Variants in TNKS2 observed in about 807,000 individuals in gnomAD.
The protein encoded by TNKS2 is poly [ADP-ribose] polymerase tankyrase-2.
Under a neutral mutation model 137.6 loss-of-function variants are expected in TNKS2, and 72 were observed. That is an observed-to-expected ratio of 0.52 (90% CI 0.43 to 0.64). The LOEUF is 0.64. TNKS2 is among the 30% of genes least tolerant of loss of function. The pLI, the probability that TNKS2 is intolerant of heterozygous loss-of-function variation, is 0.00. For synonymous variants in TNKS2, 516 were observed against 512.1 expected (o/e 1.01, Z -0.10); for missense variants, 1,049 against 1,410.2 (o/e 0.74, Z 4.10).
intron 13 of TNKS2, among the ~76,000 whole-genome samples, chr10:91,837,684 A>G (rs531945534): frequency 6.6e-6 from 1 of 152,270 alleles, no homozygotes; most frequent in East Asian, 1.9e-4. Flanking sequence ...ACATGGCGAA[A>G]CCCCGTCTCT....
Position 91,848,614 on chromosome 10 carries a change from T to C in TNKS2, c.2590T>C (p.Ser864Pro), listed in dbSNP as rs751880344. ...TAGTTCAAGTGGAACAGAGGGTGCT[T>C]CCAGTTTGGAGAAAAAGGAGGGTGA... is the stretch of plus-strand genomic sequence containing the variant. ...VVSSSGTEGASSLEKKEVPGV... is the reference protein window; with the variant it reads ...VVSSSGTEGAPSLEKKEVPGV... The change falls in exon 19 of 27, where the codon TCC (serine) becomes CCC (proline). Residue 864 changes from serine (S) to proline (P), a missense_variant. Ser to Pro is a moderately conservative substitution (Grantham distance 74). Coordinates refer to ENST00000371627, the MANE Select transcript of TNKS2 (RefSeq NM_025235.4). The C allele has an allele frequency of 6.2e-7, 1 of 1,614,138 alleles. No individual in the cohort carries two copies. The highest frequency in any genetic ancestry group is 1.1e-5 in the South Asian group (1 of 91,076).
At chr10:91,804,962 C>T (rs1844278499) in intron 1 of TNKS2, among the ~76,000 whole-genome samples, 1 of 152,138 alleles carries the variant, frequency 6.6e-6, no homozygotes, top group Non-Finnish European at 1.5e-5. Context: ...CAGGGTTTCA[C>T]CATGTTGGCT....
Position 91,846,164 on chromosome 10 carries a change from A to C in TNKS2, c.2358+224A>C, listed in dbSNP as rs182609928. Among the ~76,000 whole-genome samples the C allele has an allele frequency of 1.1e-4, 16 of 152,350 alleles. No homozygotes were observed. The East Asian group carries it at 2.9e-3, about 28-fold the overall frequency. The stretch of plus-strand genomic sequence containing the variant: ...ATCAATCAGTTATTATATACTGAGT[A>C]TTTTGGAAATAGGAAAAAGAAGTAC... On this transcript the variant is annotated intron_variant, in intron 18 of 26. Transcript: ENST00000371627.
At chr10:91,833,244 G>A (rs1841878800) in intron 11 of TNKS2, among the ~76,000 whole-genome samples, 1 of 152,160 alleles carries the variant, frequency 6.6e-6, no homozygotes, top group African/African-American at 2.4e-5. Flanking sequence ...TGACATAAAA[G>A]TGCGTTCTAG....
chr10:91,864,692 C>T lies in TNKS2; in HGVS notation c.*1693C>T, dbSNP rs950516481. The T allele has an allele frequency of 6.6e-6, 1 of 152,520 alleles. No individual in the cohort carries two copies. The highest frequency in any genetic ancestry group is 1.5e-5 in the Non-Finnish European group (1 of 68,020). 9.4% of individuals were successfully genotyped at this position (152,520 alleles called of 1,614,324 possible). Reference sequence around the variant, plus strand: ...TCCTGATCTTGAAGTGCTTTTTATACAGCTCTCTAATAATTACAAATATCC... The same window carrying T: ...TCCTGATCTTGAAGTGCTTTTTATATAGCTCTCTAATAATTACAAATATCC... On this transcript the variant is annotated 3_prime_UTR_variant, in exon 27 of 27. Transcript: ENST00000371627.
rs750853044 is a variant in TNKS2 at position 91,817,189 on chromosome 10, A to G, written c.480A>G (p.Ala160=). Reference sequence around the variant, plus strand: ...TCCGAAATACAGATGGAAGGACAGCATTGGATTTAGCAGATCCATCTGCCA... The same window carrying G: ...TCCGAAATACAGATGGAAGGACAGCGTTGGATTTAGCAGATCCATCTGCCA... ...PTIRNTDGRT[A]LDLADPSAKA... Residue 160 remains alanine, a synonymous_variant, in exon 3 of 27, where the codon GCA becomes GCG. Transcript: ENST00000371627. 4 of 1,613,810 alleles carry G rather than the reference A, an allele frequency of 2.5e-6. No homozygotes were observed. The South Asian group carries it at 3.3e-5, about 13-fold the overall frequency.
chr10:91,816,477 C>G (rs1030947571), intron 2 of TNKS2, among the ~76,000 whole-genome samples: 4 of 152,150 alleles, frequency 2.6e-5, no homozygotes, highest in Non-Finnish European at 4.4e-5. Flanking sequence ...TGTACCTACT[C>G]CACTCCTTAG....
chr10:91,827,271 G>T, intron 8 of TNKS2, 68 bp downstream of exon 8: 1 of 1,243,908 alleles, frequency 8.0e-7, no homozygotes, highest in East Asian at 2.8e-5. Context: ...TTTCTTTCCT[G>T]TTTGTTTTTA....
Position 91,798,771 on chromosome 10 carries a change from G to A in TNKS2, c.81G>A (p.Glu27=). ...AGGCCGTGGAGCCGGCCGCCCGAGA[G>A]CTGTTCGAGGCGTGCCGCAACGGGG... ...AAEAVEPAAR[E]LFEACRNGDV... The change falls in exon 1 of 27, where the codon GAG becomes GAA. Residue 27 remains glutamate, a synonymous_variant. Coordinates refer to ENST00000371627, the MANE Select transcript of TNKS2 (RefSeq NM_025235.4). The A allele has an allele frequency of 7.9e-7, 1 of 1,270,022 alleles. No individual in the cohort carries two copies. Among genetic ancestry groups the A allele is most frequent in the Non-Finnish European group, 1.0e-6 (1 of 1,000,574 alleles). The allele number at this position is 1,270,022 out of a possible 1,614,324, so 78.7% of individuals were successfully genotyped here.
At position 91,859,516 on chromosome 10, in the gene TNKS2, A is replaced by G. The variant is rs1423180929; in HGVS notation, c.3149A>G (p.Tyr1050Cys). ...AAAGGCTTTGATGAAAGGCATGCGTACATAGGTGGTATGTTTGGAGCTGGC... is the reference window on the plus strand; with the variant it reads ...AAAGGCTTTGATGAAAGGCATGCGTGCATAGGTGGTATGTTTGGAGCTGGC... The part of the protein sequence containing the change: ...IHKGFDERHA[Y>C]IGGMFGAGIY... The change falls in exon 25 of 27, where the codon TAC becomes TGC. Residue 1050 changes from tyrosine to cysteine, a missense_variant. Physicochemically the swap from Tyr to Cys is radical, Grantham distance 194. Transcript: ENST00000371627. 1 of 1,613,906 alleles carries G rather than the reference A, an allele frequency of 6.2e-7. No individual in the cohort carries two copies. The highest frequency in any genetic ancestry group is 8.5e-7 in the Non-Finnish European group (1 of 1,179,952).
intron 7 of TNKS2, among the ~76,000 whole-genome samples, chr10:91,824,406 C>T (rs1211711528): frequency 6.6e-6 from 1 of 152,200 alleles, no homozygotes; most frequent in Non-Finnish European, 1.5e-5. Context: ...CTGGCTCTAA[C>T]AGGCACAAGA....
chr10:91,864,816 A>C lies in TNKS2; in HGVS notation c.*1817A>C, dbSNP rs1842936566. ...GGTTTTATAATTAGAAGATAATGAGAGAATTAATGGGGTTTATATTTACAT... is the reference window on the plus strand; with the variant it reads ...GGTTTTATAATTAGAAGATAATGAGCGAATTAATGGGGTTTATATTTACAT... On this transcript the variant is annotated 3_prime_UTR_variant, in exon 27 of 27. Coordinates refer to ENST00000371627, the MANE Select transcript of TNKS2 (RefSeq NM_025235.4). 2 of 152,608 alleles carry C rather than the reference A, an allele frequency of 1.3e-5. No individual in the cohort carries two copies. Among genetic ancestry groups the C allele is most frequent in the Non-Finnish European group, 2.9e-5 (2 of 68,028 alleles). 9.5% of individuals were successfully genotyped at this position (152,608 alleles called of 1,614,324 possible). A position where few individuals can be genotyped will look rare whatever the true frequency, so the allele number is the denominator to read the frequency against.
At chr10:91,831,846 T>C (rs1210415878) in intron 11 of TNKS2, among the ~76,000 whole-genome samples, 2 of 152,190 alleles carry the variant, frequency 1.3e-5, no homozygotes, top group Non-Finnish European at 2.9e-5. Context: ...TTTTACAGTT[T>C]TTAGCCACAG....
At position 91,857,439 on chromosome 10, in the gene TNKS2, T is replaced by C. The variant is rs1469923692; in HGVS notation, c.3003T>C (p.Cys1001=). 2 of 1,605,902 alleles carry C rather than the reference T, an allele frequency of 1.2e-6. No individual in the cohort carries two copies. The highest frequency in any genetic ancestry group is 3.4e-5 in the Admixed American group (2 of 59,102). ...ATTTTTTATAGATTCAGAAGGTTTG[T>C]AACAAGAAACTATGGGAAAGATACA... is the stretch of plus-strand genomic sequence containing the variant. ...RYNILKIQKV[C]NKKLWERYTH... is the part of the protein sequence containing the mutation. Residue 1001 remains cysteine, a synonymous_variant, in exon 24 of 27, where the codon TGT becomes TGC. Coordinates refer to ENST00000371627, the MANE Select transcript of TNKS2 (RefSeq NM_025235.4).
At chr10:91,848,765 A>G in intron 19 of TNKS2, 130 bp downstream of exon 19, 1 of 1,083,718 alleles carries the variant, frequency 9.2e-7, no homozygotes, top group Non-Finnish European at 1.3e-6. Context: ...ATAGCCTTAA[A>G]AAGGTTTAAC....
Position 91,863,274 on chromosome 10 carries a change from C to T in TNKS2, c.*275C>T, listed in dbSNP as rs184788145. The T allele has an allele frequency of 1.3e-3, 412 of 310,656 alleles. 2 individuals carry two copies. The highest frequency in any genetic ancestry group is 8.3e-3 in the African/African-American group (387 of 46,484). The allele number at this position is 310,656 out of a possible 1,614,324, so 19.2% of individuals were successfully genotyped here. ...AAATTATAAACAGAGTTAACTTGAA[C>T]CTTTTATATGTTATGCATTGATTCT... is the stretch of plus-strand genomic sequence containing the variant. On this transcript the variant is annotated 3_prime_UTR_variant, in exon 27 of 27. Transcript: ENST00000371627.
intron 1 of TNKS2, among the ~76,000 whole-genome samples, chr10:91,812,058 C>CAA (rs11333861): frequency 3.3e-5 from 4 of 121,624 alleles, no homozygotes; most frequent in African/African-American, 8.9e-5. Context: ...CACTCCGTCT[C>CAA]AAAAAAAAAA....
chr10:91,836,015 G>C (rs1199100644), intron 12 of TNKS2, among the ~76,000 whole-genome samples: 1 of 138,788 alleles, frequency 7.2e-6, no homozygotes, highest in East Asian at 2.1e-4. Flanking sequence ...GTGTGTGTGT[G>C]TGTGTGTGTG....
chr10:91,801,476 T>A (rs1844165087), intron 1 of TNKS2, among the ~76,000 whole-genome samples: 1 of 132,050 alleles, frequency 7.6e-6, no homozygotes, highest in Admixed American at 7.9e-5. Flanking sequence ...AGACAGGAAT[T>A]TTTCTTTTTT....
Sources: allele counts gnomAD v4.1 joint callset (sites outside exome capture counted in the v4.1 genomes callset), GRCh38; gene constraint gnomAD v4.1.1; transcripts MANE v1.5; gene names NCBI Gene and HGNC (gene_info 2026-07-23, HGNC 2026-07-21).